LPAR6: variants seen among roughly 807,000 people sequenced by gnomAD.
The protein encoded by LPAR6 is G-protein coupled purinergic receptor P2Y5.
A neutral mutation model predicts 22.0 loss-of-function variants in LPAR6; 17 were observed. The observed-to-expected ratio is 0.77, with a 90% CI of 0.53 to 1.16. LPAR6 has a LOEUF of 1.16. Ranked by LOEUF, LPAR6 falls within the 50% of genes most tolerant of loss-of-function variation. The probability of loss-of-function intolerance (pLI) is 0.00; values close to 1 mark genes in which losing one functional copy is unlikely to be tolerated. For synonymous variants in LPAR6, 136 were observed against 139.8 expected, an observed-to-expected ratio of 0.97 and a Z score of 0.19; for missense variants, 384 against 406.9, an observed-to-expected ratio of 0.94 and a Z score of 0.48.
At chr13:48,420,735 C>T (rs750754913) in intron 2 of LPAR6, among the ~76,000 whole-genome samples, 1 of 152,070 alleles carries the variant, frequency 6.6e-6, no homozygotes, top group Non-Finnish European at 1.5e-5. Context: ...TATTCCTATA[C>T]AACAATAATA....
At chr13:48,436,778 C>G (rs1301883803) in intron 1 of LPAR6, among the ~76,000 whole-genome samples, 1 of 152,190 alleles carries the variant, frequency 6.6e-6, no homozygotes, top group East Asian at 1.9e-4. Context: ...CAAAATTCTT[C>G]TATTTTCTAT....
chr13:48,405,389 A>C (rs145147278), intron 1 of LPAR6, among the ~76,000 whole-genome samples: 1 of 152,326 alleles, frequency 6.6e-6, no homozygotes, highest in African/African-American at 2.4e-5. Context: ...AAGAATTTTA[A>C]GATTCATTCT....
chr13:48,416,531 G>C (rs1024278229), upstream of LPAR6: 1 of 152,688 alleles, frequency 6.5e-6, no homozygotes, highest in Admixed American at 6.5e-5. Flanking sequence ...CGAGCTAGCT[G>C]CAGGATTTTT....
chr13:48,393,213 A>C (rs898852492), intron 1 of LPAR6, among the ~76,000 whole-genome samples: 1 of 152,218 alleles, frequency 6.6e-6, no homozygotes, highest in African/African-American at 2.4e-5. Context: ...TACTCAGCTG[A>C]AGACTCAAGC....
At chr13:48,428,935 G>A (rs912515417), upstream of LPAR6, among the ~76,000 whole-genome samples, 9 of 152,132 alleles carry the variant, frequency 5.9e-5, no homozygotes, top group African/African-American at 2.2e-4. Flanking sequence ...ACCTATTACT[G>A]AGGGGTAGAA....
rs1481960057 is a variant in LPAR6 at position 48,411,644 on chromosome 13, A to T, written c.780T>A (p.Phe260Leu). 1.9e-6 allele frequency: 3 copies of T among 1,611,830 alleles called. No homozygotes were observed. Among genetic ancestry groups the T allele is most frequent in the South Asian group, 2.2e-5 (2 of 91,028 alleles). Residue 260 changes from phenylalanine (F) to leucine (L), a missense_variant, in exon 1 of 1, where the codon TTT becomes TTA. Transcript: ENST00000620633. ...CTGCTGCCACTACTGAGCAATTAAC[A>T]AATGTTTGTGTTCTCACAAGAGAAT... ...ILYSLVRTQT[F>L]VNCSVVAAVR... is the part of the protein sequence containing the mutation.
At chr13:48,406,203 G>A (rs530225282), downstream of LPAR6, among the ~76,000 whole-genome samples, 1 of 148,814 alleles carries the variant, frequency 6.7e-6, no homozygotes, top group East Asian at 1.9e-4. Flanking sequence ...AAGGGTTAAT[G>A]TGTGTGTGTA....
chr13:48,410,898 TA>T (rs932949644), downstream of LPAR6: 1 of 152,532 alleles, frequency 6.6e-6, no homozygotes, highest in Non-Finnish European at 1.5e-5. Flanking sequence ...ACATATATTT[TA>T]AAATACTCCC....
chr13:48,436,445 C>T (rs1028218885), intron 1 of LPAR6, among the ~76,000 whole-genome samples: 1 of 152,136 alleles, frequency 6.6e-6, no homozygotes, highest in Non-Finnish European at 1.5e-5. Flanking sequence ...AAGTTCGAGA[C>T]CAGCCTGGCC....
At chr13:48,409,874 C>A (rs187477230), downstream of LPAR6, among the ~76,000 whole-genome samples, 1 of 151,936 alleles carries the variant, frequency 6.6e-6, no homozygotes, top group East Asian at 1.9e-4. Context: ...CCACCGTGCC[C>A]GGCCTGAATT....
At chr13:48,438,112 G>A (rs369356382) in intron 1 of LPAR6, among the ~76,000 whole-genome samples, 1 of 152,260 alleles carries the variant, frequency 6.6e-6, no homozygotes, top group African/African-American at 2.4e-5. Context: ...GTAGTCACCT[G>A]TCTAAAATCC....
chr13:48,426,775 T>C (rs1197817962), intron 1 of LPAR6: 1 of 152,238 alleles, frequency 6.6e-6, no homozygotes, highest in African/African-American at 2.4e-5. Context: ...ACTGATGTTG[T>C]GCTAGTTCGT....
At chr13:48,433,900 C>CT (rs1258772446) in intron 1 of LPAR6, among the ~76,000 whole-genome samples, 2 of 151,492 alleles carry the variant, frequency 1.3e-5, no homozygotes, top group Admixed American at 6.6e-5. Context: ...TACATATATA[C>CT]TTTTTTTCAG....
At chr13:48,414,264 T>C (rs1948869695), upstream of LPAR6, among the ~76,000 whole-genome samples, 1 of 151,810 alleles carries the variant, frequency 6.6e-6, no homozygotes, top group Non-Finnish European at 1.5e-5. Context: ...GGAGAATCGC[T>C]TGAACCTGGG....
At position 48,398,888 on chromosome 13, in the gene LPAR6, T is replaced by C. The variant is rs1948668383; in HGVS notation, n.115-9076A>G. On this transcript the variant is annotated intron_variant and non_coding_transcript_variant, in intron 1 of 1. Transcript: ENST00000462781. ...GGGAAGTGTTTTGCCTAGGAGCTAATAAGTAACAAGAAAGGGAAAAGTAAC... is the reference window on the plus strand; with the variant it reads ...GGGAAGTGTTTTGCCTAGGAGCTAACAAGTAACAAGAAAGGGAAAAGTAAC... Among the ~76,000 whole-genome samples the C allele has an allele frequency of 3.9e-5, 6 of 152,124 alleles. No homozygotes were observed. The South Asian group carries it at 1.2e-3, about 31-fold the overall frequency.
At chr13:48,417,408 A>G (rs893116714), upstream of LPAR6, 28 of 152,220 alleles carry the variant, frequency 1.8e-4, no homozygotes, top group Admixed American at 1.1e-3. Flanking sequence ...TTCCACACAG[A>G]AACCCCATTT....
At chr13:48,435,032 G>C (rs1415021271) in intron 1 of LPAR6, among the ~76,000 whole-genome samples, 2 of 152,174 alleles carry the variant, frequency 1.3e-5, no homozygotes, top group Non-Finnish European at 2.9e-5. Flanking sequence ...GAACATTTAT[G>C]TTTAGTATCA....
intron 1 of LPAR6, among the ~76,000 whole-genome samples, chr13:48,439,979 C>T (rs1253726541): frequency 1.3e-5 from 2 of 151,962 alleles, no homozygotes; most frequent in Non-Finnish European, 2.9e-5. Flanking sequence ...TACATATATA[C>T]ATAAGTCTAA....
chr13:48,438,052 G>C (rs1949201484), intron 1 of LPAR6, among the ~76,000 whole-genome samples: 1 of 152,050 alleles, frequency 6.6e-6, no homozygotes, highest in East Asian at 1.9e-4. Context: ...TATATGCTTG[G>C]CACTGGAATT....
Sources: allele counts gnomAD v4.1 joint callset (sites outside exome capture counted in the v4.1 genomes callset), GRCh38; gene constraint gnomAD v4.1.1; transcripts MANE v1.5; gene names NCBI Gene and HGNC (gene_info 2026-07-23, HGNC 2026-07-21).